Variants in NLGN1 observed in about 807,000 individuals in gnomAD.
NLGN1 encodes neuroligin-1.
A neutral mutation model predicts 65.5 loss-of-function variants in NLGN1; 12 were observed. That is an observed-to-expected ratio of 0.18 (90% CI 0.12 to 0.30). The LOEUF (loss-of-function observed/expected upper bound fraction) is 0.30. NLGN1 is among the 10% of genes least tolerant of loss of function. The pLI is 1.00. For synonymous variants in NLGN1, 350 were observed against 359.5 expected (o/e 0.97, Z 0.30); for missense variants, 750 against 1,007.1 (o/e 0.74, Z 3.46).
At chr3:173,716,216 C>G (rs1684221566) in intron 3 of NLGN1, among the ~76,000 whole-genome samples, 1 of 152,120 alleles carries the variant, frequency 6.6e-6, no homozygotes, top group Non-Finnish European at 1.5e-5. Context: ...TCTTTACAAG[C>G]ATTTCTAATC....
At chr3:173,684,000 TA>T (rs1280341137) in intron 3 of NLGN1, among the ~76,000 whole-genome samples, 1 of 152,148 alleles carries the variant, frequency 6.6e-6, no homozygotes, top group Non-Finnish European at 1.5e-5. Flanking sequence ...ATTATATGAT[TA>T]TGATTTACAT....
rs897006843 is a variant in NLGN1 at position 173,616,138 on chromosome 3, G to A, written c.493+11047G>A. ...GAAATAGAAGTTACCCCTTACATGA[G>A]CACTCACGGATAAATACTGTAGTCT... On this transcript the variant is annotated intron_variant, in intron 3 of 6. Coordinates refer to ENST00000457714, the Ensembl canonical transcript of NLGN1. Among the ~76,000 whole-genome samples, 3 of 152,056 alleles carry A rather than the reference G, an allele frequency of 2.0e-5. 1 individual carries two copies. The highest frequency in any genetic ancestry group is 7.2e-5 in the African/African-American group (3 of 41,414).
chr3:173,549,720 G>A (rs1042503260), intron 2 of NLGN1, among the ~76,000 whole-genome samples: 1 of 152,044 alleles, frequency 6.6e-6, no homozygotes, highest in African/African-American at 2.4e-5. Context: ...GGCGGAAGAT[G>A]ACTATGCATA....
intron 2 of NLGN1, among the ~76,000 whole-genome samples, chr3:173,598,338 A>C (rs1046610274): frequency 2.0e-5 from 3 of 152,166 alleles, no homozygotes; most frequent in African/African-American, 7.2e-5. Flanking sequence ...CTGTTACATC[A>C]TATATTCATA....
At chr3:173,484,261 T>C (rs930166795) in intron 2 of NLGN1, among the ~76,000 whole-genome samples, 4 of 151,882 alleles carry the variant, frequency 2.6e-5, no homozygotes, top group Non-Finnish European at 5.9e-5. Flanking sequence ...ACATGCTTAA[T>C]GGATGACAAA....
intron 4 of NLGN1, among the ~76,000 whole-genome samples, chr3:174,126,669 A>C (rs967313951): frequency 3.3e-5 from 5 of 152,096 alleles, no homozygotes; most frequent in Admixed American, 2.6e-4. Flanking sequence ...ATAAAATAAG[A>C]TACTGTGCCT....
chr3:174,007,184 A>T (rs1724610178), intron 4 of NLGN1, among the ~76,000 whole-genome samples: 1 of 152,168 alleles, frequency 6.6e-6, no homozygotes, highest in Non-Finnish European at 1.5e-5. Context: ...GCAAGCCAAG[A>T]AGAGAGGCCT....
At chr3:173,698,057 TTATA>T (rs1766506283) in intron 3 of NLGN1, among the ~76,000 whole-genome samples, 12 of 151,762 alleles carry the variant, frequency 7.9e-5, no homozygotes, top group Admixed American at 6.6e-4. Flanking sequence ...ACAAACTTAT[TTATA>T]TATGCTTTAT....
chr3:173,882,082 G>T (rs1323768473), intron 4 of NLGN1, among the ~76,000 whole-genome samples: 1 of 151,466 alleles, frequency 6.6e-6, no homozygotes, highest in East Asian at 1.9e-4. Flanking sequence ...CTCCATCAGA[G>T]TTCCTAGGTG....
intron 3 of NLGN1, among the ~76,000 whole-genome samples, chr3:173,728,617 T>A (rs981811668): frequency 6.6e-6 from 1 of 152,092 alleles, no homozygotes; most frequent in African/African-American, 2.4e-5. Flanking sequence ...CATGCTTGAT[T>A]AGAGTGGGCC....
chr3:173,839,394 GTTTTTTGTTTGT>G (rs1450927370), intron 4 of NLGN1, among the ~76,000 whole-genome samples: 15 of 151,084 alleles, frequency 9.9e-5, no homozygotes, highest in South Asian at 6.3e-4. Flanking sequence ...CCTCAGAGAA[GTTTTTTGTTTGT>G]TTTTTTGTTT....
At chr3:174,065,871 C>T (rs1189777609) in intron 4 of NLGN1, among the ~76,000 whole-genome samples, 1 of 152,148 alleles carries the variant, frequency 6.6e-6, no homozygotes, top group East Asian at 1.9e-4. Context: ...GACCAATAGC[C>T]GGCAAGAAAC....
Position 174,086,418 on chromosome 3 carries a change from A to G in NLGN1, c.647-188897A>G, listed in dbSNP as rs143384184. ...TTTTTTGCCTAATCTTAAGACATTAATTACTAATAGTTTTAATATGCAGCC... is the reference window on the plus strand; with the variant it reads ...TTTTTTGCCTAATCTTAAGACATTAGTTACTAATAGTTTTAATATGCAGCC... On this transcript the variant is annotated intron_variant, in intron 4 of 6. Coordinates refer to ENST00000457714, the Ensembl canonical transcript of NLGN1. Among the ~76,000 whole-genome samples, 1,072 of 147,712 alleles carry G rather than the reference A, an allele frequency of 7.3e-3. 18 individuals are homozygous for G. Among genetic ancestry groups the G allele is most frequent in the African/African-American group, 0.026 (1,029 of 39,934 alleles).
intron 2 of NLGN1, among the ~76,000 whole-genome samples, chr3:173,518,404 A>G (rs1046814144): frequency 1.3e-5 from 2 of 151,466 alleles, no homozygotes; most frequent in Non-Finnish European, 2.9e-5. Context: ...ATATGTATAT[A>G]CATATATAGT....
intron 3 of NLGN1, among the ~76,000 whole-genome samples, chr3:173,658,463 TTCTC>T (rs1760416196): frequency 6.6e-6 from 1 of 152,016 alleles, no homozygotes. Flanking sequence ...ATTTGTTCCA[TTCTC>T]AGGTAGTCCT....
At chr3:173,474,936 C>A (rs1164028461) in intron 2 of NLGN1, among the ~76,000 whole-genome samples, 1 of 151,480 alleles carries the variant, frequency 6.6e-6, no homozygotes, top group African/African-American at 2.4e-5. Flanking sequence ...CCAGCCTGGG[C>A]AACAGAGTGA....
At chr3:173,652,845 A>G (rs1759424822) in intron 3 of NLGN1, among the ~76,000 whole-genome samples, 1 of 152,164 alleles carries the variant, frequency 6.6e-6, no homozygotes, top group Admixed American at 6.5e-5. Flanking sequence ...CACTATGGTC[A>G]TTTTAACAAT....
At chr3:173,928,225 C>T (rs1187212116) in intron 4 of NLGN1, among the ~76,000 whole-genome samples, 2 of 152,080 alleles carry the variant, frequency 1.3e-5, no homozygotes, top group East Asian at 3.9e-4. Flanking sequence ...ATTAATTTGT[C>T]CAGGGTCACA....
At chr3:173,806,037 C>T (rs1028755408) in intron 3 of NLGN1, among the ~76,000 whole-genome samples, 1 of 152,020 alleles carries the variant, frequency 6.6e-6, no homozygotes, top group Non-Finnish European at 1.5e-5. Flanking sequence ...AGTATCCTTC[C>T]CTCACTACTT....
Sources: gnomAD v4.1 joint callset for allele counts (sites outside exome capture counted in the v4.1 genomes callset) on GRCh38, gnomAD v4.1.1 for gene constraint, MANE v1.5 for transcripts, NCBI Gene and HGNC (gene_info 2026-07-23, HGNC 2026-07-21) for gene names.